EDIL3: variants seen among roughly 807,000 people sequenced by gnomAD.
EDIL3 encodes EGF-like repeat and discoidin I-like domain-containing protein 3.
Under a neutral mutation model 67.4 loss-of-function variants are expected in EDIL3, and 37 were observed. The observed-to-expected ratio is 0.55, with a 90% confidence interval of 0.42 to 0.72. The LOEUF is 0.72. Among genes scored for constraint, EDIL3 ranks in the 30% least tolerant of loss-of-function variants. The pLI is 0.00. For synonymous variants in EDIL3, 195 were observed against 196.3 expected (o/e 0.99, Z 0.05); for missense variants, 527 against 586.3 (o/e 0.90, Z 1.04).
intron 5 of EDIL3, among the ~76,000 whole-genome samples, chr5:84,108,274 T>A (rs1358270478): frequency 6.6e-6 from 1 of 152,038 alleles, no homozygotes; most frequent in Non-Finnish European, 1.5e-5. Context: ...TTCAAATTTT[T>A]AAATTTTTTT....
chr5:84,342,444 T>A (rs1351559288), intron 1 of EDIL3, among the ~76,000 whole-genome samples: 1 of 152,012 alleles, frequency 6.6e-6, no homozygotes. Context: ...GAGTGAATGA[T>A]GGGAAATTCC....
At chr5:84,128,563 T>A (rs909364301) in intron 5 of EDIL3, among the ~76,000 whole-genome samples, 1 of 152,090 alleles carries the variant, frequency 6.6e-6, no homozygotes. Context: ...ACAGAGAGGT[T>A]TTTTTGTGTT....
chr5:84,116,938 T>G (rs759749060), intron 5 of EDIL3, among the ~76,000 whole-genome samples: 29 of 152,164 alleles, frequency 1.9e-4, no homozygotes, highest in Non-Finnish European at 3.5e-4. Flanking sequence ...AATATGAAAG[T>G]TGACTTCTGT....
chr5:84,060,445 T>C lies in EDIL3; in HGVS notation c.992A>G (p.Gln331Arg). ...EPLGMKSGHIQDYQITASSIF... is the reference protein window; with the variant it reads ...EPLGMKSGHIRDYQITASSIF... The stretch of plus-strand genomic sequence containing the variant: ...GCTGGAGGCAGTGATCTGATAGTCT[T>C]GTATATGTCCTGATTTCATACCCAG... Residue 331 changes from glutamine to arginine, a missense_variant, in exon 9 of 11, where the codon CAA becomes CGA. Gln to Arg is a conservative substitution (Grantham distance 43). Transcript: ENST00000296591. The C allele has an allele frequency of 6.2e-7, 1 of 1,613,728 alleles. No individual in the cohort carries two copies. Among genetic ancestry groups the C allele is most frequent in the Non-Finnish European group, 8.5e-7 (1 of 1,179,804 alleles).
chr5:83,949,711 G>A (rs557565477), intron 10 of EDIL3, among the ~76,000 whole-genome samples: 2 of 151,918 alleles, frequency 1.3e-5, no homozygotes, highest in Admixed American at 6.6e-5. Context: ...ACAGACACAT[G>A]TCATTCCAGT....
At chr5:84,182,354 G>A (rs899422545) in intron 3 of EDIL3, among the ~76,000 whole-genome samples, 1 of 151,824 alleles carries the variant, frequency 6.6e-6, no homozygotes, top group Admixed American at 6.6e-5. Context: ...TACTTAGGAG[G>A]CTGAGGTGGG....
At chr5:84,015,314 G>T (rs1258214700) in intron 9 of EDIL3, among the ~76,000 whole-genome samples, 1 of 152,192 alleles carries the variant, frequency 6.6e-6, no homozygotes, top group Admixed American at 6.6e-5. Flanking sequence ...GGAAGAATGA[G>T]AAAGGTTATT....
intron 6 of EDIL3, among the ~76,000 whole-genome samples, chr5:84,067,432 T>C (rs1746664148): frequency 6.6e-6 from 1 of 152,188 alleles, no homozygotes; most frequent in South Asian, 2.1e-4. Flanking sequence ...CATTAAAATT[T>C]CACATATTGT....
intron 3 of EDIL3, among the ~76,000 whole-genome samples, chr5:84,216,022 G>A (rs752164689): frequency 2.2e-4 from 33 of 152,286 alleles, no homozygotes; most frequent in Non-Finnish European, 3.4e-4. Context: ...GAGGGGCCTG[G>A]AGTACCAGCA....
chr5:84,069,691 C>G lies in EDIL3; in HGVS notation c.652-3085G>C, dbSNP rs1238820344. Among the ~76,000 whole-genome samples the G allele has an allele frequency of 2.0e-5, 3 of 152,044 alleles. No homozygotes were observed. The East Asian group carries it at 5.8e-4, about 29-fold the overall frequency. ...TAATCATAACGATATGGGGTGGCGA[C>G]AGGGAAGTGCTGGGAGGAGAAGGGC... On this transcript the variant is annotated intron_variant, in intron 6 of 10. Coordinates refer to ENST00000296591, the MANE Select transcript of EDIL3 (RefSeq NM_005711.5).
intron 2 of EDIL3, among the ~76,000 whole-genome samples, chr5:84,250,710 G>A (rs1445495679): frequency 6.6e-6 from 1 of 152,162 alleles, no homozygotes; most frequent in Non-Finnish European, 1.5e-5. Context: ...GTGTCTGACT[G>A]TAGAATAAAC....
intron 1 of EDIL3, among the ~76,000 whole-genome samples, chr5:84,270,095 T>C (rs1156264171): frequency 6.6e-6 from 1 of 152,216 alleles, no homozygotes; most frequent in African/African-American, 2.4e-5. Flanking sequence ...CACAAGGGTA[T>C]TTAAATATTC....
rs1371879027 is a variant in EDIL3, at chr5:84,054,536, A to G, written c.1137+5764T>C. 1.1e-4 allele frequency among the ~76,000 whole-genome samples: 16 copies of G among 152,294 alleles called. No individual in the cohort carries two copies. In the South Asian group the frequency reaches 1.5e-3, roughly 14 times the overall value. ...GTCAAATTGTCCCTGTTTGCAGATGACATGATTGTATATCTAGAAAACCCT... is the reference window on the plus strand; with the variant it reads ...GTCAAATTGTCCCTGTTTGCAGATGGCATGATTGTATATCTAGAAAACCCT... On this transcript the variant is annotated intron_variant, in intron 9 of 10. Transcript: ENST00000296591.
chr5:84,248,442 ATTG>A (rs1404235017), intron 2 of EDIL3, among the ~76,000 whole-genome samples: 2 of 152,158 alleles, frequency 1.3e-5, no homozygotes, highest in Non-Finnish European at 2.9e-5. Flanking sequence ...TCACTTAAAT[ATTG>A]ATGGCCTCTT....
intron 3 of EDIL3, among the ~76,000 whole-genome samples, chr5:84,225,656 G>A (rs1470949612): frequency 2.0e-5 from 3 of 151,082 alleles, no homozygotes; most frequent in Non-Finnish European, 4.4e-5. Context: ...CATTCTATAT[G>A]TTATTGAAGA....
At chr5:84,041,367 T>G (rs546355965) in intron 9 of EDIL3, among the ~76,000 whole-genome samples, 7 of 151,754 alleles carry the variant, frequency 4.6e-5, no homozygotes, top group Non-Finnish European at 8.8e-5. Flanking sequence ...CTGATTCTGA[T>G]GCAGGAGGTC....
chr5:84,143,739 G>C (rs530785699), intron 4 of EDIL3, among the ~76,000 whole-genome samples: 1 of 152,038 alleles, frequency 6.6e-6, no homozygotes, highest in African/African-American at 2.4e-5. Context: ...TCAAATATTT[G>C]ATGACTTTAA....
At position 84,106,772 on chromosome 5, in the gene EDIL3, A is replaced by T; in HGVS notation, c.528T>A (p.Ala176=). The change falls in exon 6 of 11, where the codon GCT becomes GCA. Residue 176 remains alanine, a synonymous_variant. Coordinates refer to ENST00000296591, the MANE Select transcript of EDIL3 (RefSeq NM_005711.5). ...CAAAAAGAGCTCGGTGAGTAGAGGA[A>T]GCTGTGATTTGCTGGTTTGATATAA... ...GGIISNQQIT[A]SSTHRALFGL... 24 of 1,613,306 alleles carry T rather than the reference A, an allele frequency of 1.5e-5. No homozygotes were observed. Among genetic ancestry groups the T allele is most frequent in the Non-Finnish European group, 2.0e-5 (24 of 1,179,534 alleles).
intron 10 of EDIL3, among the ~76,000 whole-genome samples, chr5:83,955,726 G>T (rs1463357338): frequency 1.3e-5 from 2 of 151,668 alleles, no homozygotes; most frequent in Non-Finnish European, 2.9e-5. Flanking sequence ...TGAATTTTAT[G>T]AATTTTCTGC....
Sources: allele counts gnomAD v4.1 joint callset (sites outside exome capture counted in the v4.1 genomes callset), GRCh38; gene constraint gnomAD v4.1.1; transcripts MANE v1.5; gene names NCBI Gene and HGNC (gene_info 2026-07-23, HGNC 2026-07-21).